The following CALCR variants were observed in gnomAD, a reference collection of about 807,000 sequenced individuals.
The protein encoded by CALCR is calcitonin receptor.
Under a neutral mutation model 59.5 loss-of-function variants are expected in CALCR, and 47 were observed. That is an observed-to-expected ratio of 0.79 (90% confidence interval 0.63 to 1.01). The LOEUF is 1.01. Among genes scored for constraint, CALCR ranks in the 50% least tolerant of loss-of-function variants. The pLI, the probability that CALCR is intolerant of heterozygous loss-of-function variation, is 0.00. For synonymous variants in CALCR, 213 were observed against 211.3 expected (o/e 1.01, Z -0.07); for missense variants, 566 against 597.1 (o/e 0.95, Z 0.54).
intron 8 of CALCR, among the ~76,000 whole-genome samples, chr7:93,450,905 C>A (rs896202809): frequency 1.3e-5 from 2 of 151,780 alleles, no homozygotes; most frequent in African/African-American, 4.8e-5. Flanking sequence ...TTAAATAAAA[C>A]AATTTTCTTC....
At chr7:93,482,034 T>C (rs2115902976) in intron 3 of CALCR, among the ~76,000 whole-genome samples, 1 of 151,976 alleles carries the variant, frequency 6.6e-6, no homozygotes, top group Middle Eastern at 3.4e-3. Context: ...CACTATAAAA[T>C]ATATTTCTGA....
chr7:93,526,395 G>T (rs1411191038), intron 2 of CALCR, among the ~76,000 whole-genome samples: 1 of 151,946 alleles, frequency 6.6e-6, no homozygotes, highest in African/African-American at 2.4e-5. Context: ...TAGCAAAGAA[G>T]GGGGGAAAAG....
chr7:93,458,756 T>C (rs1800259155), intron 8 of CALCR, among the ~76,000 whole-genome samples: 1 of 152,146 alleles, frequency 6.6e-6, no homozygotes, highest in Non-Finnish European at 1.5e-5. Context: ...CCTCCACTTG[T>C]CCATTCAGGC....
chr7:93,508,855 AC>A (rs758378442), intron 2 of CALCR, among the ~76,000 whole-genome samples: 1 of 152,026 alleles, frequency 6.6e-6, no homozygotes, highest in Non-Finnish European at 1.5e-5. Context: ...GTACCTAGTG[AC>A]CCTAGGTACA....
chr7:93,472,323 T>C, intron 6 of CALCR, 52 bp downstream of exon 6: 6 of 1,076,234 alleles, frequency 5.6e-6, no homozygotes, highest in East Asian at 2.4e-5. Flanking sequence ...TCCATTTCCT[T>C]GTACAAATAA....
At chr7:93,556,497 T>C (rs945731278) in intron 2 of CALCR, among the ~76,000 whole-genome samples, 3 of 152,094 alleles carry the variant, frequency 2.0e-5, no homozygotes, top group African/African-American at 7.2e-5. Context: ...TTTTGTTTTG[T>C]AATTTATTTT....
chr7:93,427,230 A>C (rs1272112893), intron 13 of CALCR, among the ~76,000 whole-genome samples: 2 of 152,234 alleles, frequency 1.3e-5, no homozygotes, highest in African/African-American at 4.8e-5. Flanking sequence ...CAAGAGGCAA[A>C]GATGCTAACA....
intron 2 of CALCR, among the ~76,000 whole-genome samples, chr7:93,542,777 C>CTAGACACAAACCCTAGACCTTAGGCTAAG (rs1327021265): frequency 6.6e-6 from 1 of 151,820 alleles, no homozygotes; most frequent in African/African-American, 2.4e-5. Flanking sequence ...GACACAAACC[C>CTAGACACAAACCCTAGACCTTAGGCTAAG]ACACATTAGC....
At chr7:93,476,444 T>C (rs73711219) in intron 5 of CALCR, among the ~76,000 whole-genome samples, 4,019 of 151,924 alleles carry the variant, frequency 0.026, 199 homozygotes, top group African/African-American at 0.091. Flanking sequence ...TGTATGTGTA[T>C]ATATATATTA....
At chr7:93,530,355 G>A (rs1788800675) in intron 2 of CALCR, among the ~76,000 whole-genome samples, 1 of 151,970 alleles carries the variant, frequency 6.6e-6, no homozygotes, top group East Asian at 1.9e-4. Context: ...ACCAGTTTTT[G>A]TTTGTTTTGT....
At chr7:93,521,499 A>G (rs1801763550) in intron 2 of CALCR, among the ~76,000 whole-genome samples, 1 of 142,824 alleles carries the variant, frequency 7.0e-6, no homozygotes. Flanking sequence ...AAAGGTACCA[A>G]GAAAGTACAT....
chr7:93,465,755 C>CT (rs112991767), intron 7 of CALCR, among the ~76,000 whole-genome samples: 9,403 of 151,876 alleles, frequency 0.062, 927 homozygotes, highest in African/African-American at 0.21. Context: ...TTTCTATTTG[C>CT]TTAAGTTTAC....
At chr7:93,533,656 G>A (rs1178861041) in intron 2 of CALCR, among the ~76,000 whole-genome samples, 1 of 151,824 alleles carries the variant, frequency 6.6e-6, no homozygotes, top group Non-Finnish European at 1.5e-5. Context: ...GGTTTAGGTG[G>A]GGAAGCACTC....
At chr7:93,432,884 T>G (rs746663707) in intron 13 of CALCR, among the ~76,000 whole-genome samples, 1 of 152,246 alleles carries the variant, frequency 6.6e-6, no homozygotes, top group African/African-American at 2.4e-5. Flanking sequence ...TACTCATTTA[T>G]TAGTTTTTAT....
At chr7:93,459,368 T>C (rs1276219341) in intron 8 of CALCR, among the ~76,000 whole-genome samples, 1 of 152,202 alleles carries the variant, frequency 6.6e-6, no homozygotes, top group African/African-American at 2.4e-5. Flanking sequence ...GGCAAATTGC[T>C]TTGCCTTTTT....
intron 2 of CALCR, among the ~76,000 whole-genome samples, chr7:93,504,935 C>T (rs531677178): frequency 1.3e-5 from 2 of 152,120 alleles, no homozygotes; most frequent in Admixed American, 1.3e-4. Flanking sequence ...ATCTCACCTC[C>T]TCTCTGAAGA....
chr7:93,561,858 T>C (rs1789756855), intron 2 of CALCR, among the ~76,000 whole-genome samples: 1 of 152,106 alleles, frequency 6.6e-6, no homozygotes, highest in Non-Finnish European at 1.5e-5. Context: ...GGTAAAAATG[T>C]GTGCTCTGCC....
chr7:93,478,616 G>C lies in CALCR; in HGVS notation c.205+738C>G, dbSNP rs1223214059. Among the ~76,000 whole-genome samples, 7 of 138,300 alleles carry C rather than the reference G, an allele frequency of 5.1e-5. No individual in the cohort carries two copies. The South Asian group carries it at 1.7e-3, about 34-fold the overall frequency. The allele number at this position is 138,300 out of a possible 152,430, so 90.7% of individuals were successfully genotyped here. On this transcript the variant is annotated intron_variant, in intron 4 of 13. Coordinates refer to ENST00000426151, the MANE Select transcript of CALCR (RefSeq NM_001742.4). ...AAAGTGGGAGGATCGTCCTGGGCGA[G>C]AGAGTGAGACCCTGTCTTAAATATA... is the stretch of plus-strand genomic sequence containing the variant.
intron 2 of CALCR, among the ~76,000 whole-genome samples, chr7:93,511,160 CAT>C (rs746018839): frequency 5.3e-5 from 8 of 151,720 alleles, no homozygotes; most frequent in Non-Finnish European, 1.2e-4. Flanking sequence ...GGGACACAAA[CAT>C]ATGTAATTAA....
Sources: gnomAD v4.1 joint callset for allele counts (sites outside exome capture counted in the v4.1 genomes callset) on GRCh38, gnomAD v4.1.1 for gene constraint, MANE v1.5 for transcripts, NCBI Gene and HGNC (gene_info 2026-07-23, HGNC 2026-07-21) for gene names.